The following SALL2 variants were observed in gnomAD, a reference collection of about 807,000 sequenced individuals.
The protein encoded by SALL2 is spalt like transcription factor 2, also known as sal-like protein 2.
SALL2 carries 32 observed loss-of-function variants against 58.5 expected under a neutral mutation model. That is an observed-to-expected ratio of 0.55 (90% confidence interval 0.41 to 0.74). SALL2 has a LOEUF of 0.74. SALL2 is among the 30% of genes least tolerant of loss of function. The pLI is 0.00. For synonymous variants in SALL2, 516 were observed against 513.6 expected, an observed-to-expected ratio of 1.00 and a Z score of -0.06; for missense variants, 1,201 against 1,268.9, an observed-to-expected ratio of 0.95 and a Z score of 0.81.
chr14:21,525,218 T>C lies in SALL2; in HGVS notation c.504A>G (p.Pro168=). The change falls in exon 2 of 2, where the codon CCA becomes CCG. Residue 168 remains proline, a synonymous_variant. Transcript: ENST00000537235. This position sits in a 1 kb window ranked among gnomAD's most constrained non-coding sequence, Gnocchi z 4.4. ...PPPPPPPPPP[P]GVGSGHLNIP... is the part of the protein sequence containing the mutation. ...TATTCAAGTGGCCACTGCCTACCCC[T>C]GGGGGCGGAGGGGGTGGTGGAGGAG... is the stretch of plus-strand genomic sequence containing the variant. The C allele has an allele frequency of 6.6e-7, 1 of 1,503,760 alleles. No homozygotes were observed. Among genetic ancestry groups the C allele is most frequent in the African/African-American group, 1.4e-5 (1 of 70,614 alleles). 93.2% of individuals were successfully genotyped at this position (1,503,760 alleles called of 1,614,324 possible).
chr14:21,522,165 C>T lies in SALL2; in HGVS notation c.*539G>A. 6.3e-7 allele frequency: 1 copy of T among 1,597,894 alleles called. No homozygotes were observed. The highest frequency in any genetic ancestry group is 8.5e-7 in the Non-Finnish European group (1 of 1,179,652). ...GCCAAACAGCACTGGTGGGGCCAGG[C>T]TTGGAGTGGTAGTGGAGGTGGAGCT... is the stretch of plus-strand genomic sequence containing the variant. On this transcript the variant is annotated 3_prime_UTR_variant, in exon 2 of 2. Transcript: ENST00000537235.
rs1291868843 is a variant in SALL2 at position 21,522,059 on chromosome 14, C to T, written c.*645G>A. The T allele has an allele frequency of 6.3e-7, 1 of 1,597,228 alleles. No individual in the cohort carries two copies. Among genetic ancestry groups the T allele is most frequent in the South Asian group, 1.1e-5 (1 of 90,688 alleles). ...CAGGCACTGCCTTGGGTGCAGGAGG[C>T]TGAAATAGGAGGGGGGCTGTCTTCT... On this transcript the variant is annotated 3_prime_UTR_variant, in exon 2 of 2. Transcript: ENST00000537235.
rs771860783 is a variant in SALL2, at chr14:21,536,223, G to GT, written c.-114+738dup. ...TCTTGCACTTCTTTTGTTTTGTTTTGTTTTTTGCTTTGCTTTCCTTGAAGC... is the reference window on the plus strand; with the variant it reads ...TCTTGCACTTCTTTTGTTTTGTTTTGTTTTTTTGCTTTGCTTTCCTTGAAGC... On this transcript the variant is annotated intron_variant, in intron 1 of 1. Coordinates refer to the SALL2 transcript ENST00000541965. Among the ~76,000 whole-genome samples, 9 of 152,062 alleles carry GT rather than the reference G, an allele frequency of 5.9e-5. No homozygotes were observed. The East Asian group carries it at 9.6e-4, about 16-fold the overall frequency.
Position 21,525,302 on chromosome 14 carries a change from C to G in SALL2, c.420G>C (p.Leu140Phe), listed in dbSNP as rs1892245412. ...TAAGGGGGLILASPKLGATPL... is the reference protein window; with the variant it reads ...TAAGGGGGLIFASPKLGATPL... ...GGGTTGCTCCCAGCTTGGGACTGGC[C>G]AAGATCAGGCCCCCGCCTCCCCCAG... The change falls in exon 2 of 2, where the codon TTG becomes TTC. Residue 140 changes from leucine to phenylalanine, a missense_variant. This residue lies in a region of SALL2 where 467 missense variants were observed against 468.9 expected (regional missense o/e 1.00). Transcript: ENST00000537235. This position sits in a 1 kb window ranked among gnomAD's most constrained non-coding sequence, Gnocchi z 4.4. The G allele has an allele frequency of 1.9e-6, 3 of 1,612,618 alleles. No individual in the cohort carries two copies. Among genetic ancestry groups the G allele is most frequent in the African/African-American group, 2.7e-5 (2 of 74,874 alleles).
At position 21,522,817 on chromosome 14, in the gene SALL2, G is replaced by A; in HGVS notation, c.2905C>T (p.Pro969Ser). 1 of 1,608,532 alleles carries A rather than the reference G, an allele frequency of 6.2e-7. No individual in the cohort carries two copies. The highest frequency in any genetic ancestry group is 1.1e-5 in the South Asian group (1 of 90,032). Residue 969 changes from proline (P) to serine (S), a missense_variant, in exon 2 of 2, where the codon CCC (proline) becomes TCC (serine). Physicochemically the swap from Pro to Ser is moderately conservative, Grantham distance 74. This residue lies in a region of SALL2 where 675 missense variants were observed against 683.8 expected (regional missense o/e 0.99). Coordinates refer to ENST00000537235, the MANE Select transcript of SALL2 (RefSeq NM_001364564.1). The stretch of plus-strand genomic sequence containing the variant: ...GCAGCAATATTCTGAGGGCCATGGG[G>A]GGCAAAGGGCTGTACCTGGTGGTGT... Reference protein sequence around the residue: ...LAHHQVQPFAPHGPQNIAALS... With the variant: ...LAHHQVQPFASHGPQNIAALS...
In SALL2 at chr14:21,524,435, C is replaced by G; in HGVS notation, c.1287G>C (p.Gln429His). Residue 429 changes from glutamine to histidine, a missense_variant, in exon 2 of 2, where the codon CAG becomes CAC. Gln to His is a conservative substitution (Grantham distance 24). Coordinates refer to ENST00000537235, the MANE Select transcript of SALL2 (RefSeq NM_001364564.1). ...GCTCTGGTACTGGGTGTGGGTTCAT[C>G]TGCACATGTGGGTACTTCTCACGAT... ...HRHREKYPHV[Q>H]MNPHPVPEHL... is the part of the protein sequence containing the mutation. The G allele has an allele frequency of 6.2e-7, 1 of 1,614,250 alleles. No individual in the cohort carries two copies. The highest frequency in any genetic ancestry group is 8.5e-7 in the Non-Finnish European group (1 of 1,180,052).
chr14:21,526,023 G>GCCCCCCCCCCCGCCCCCCCCCCCCCC, intron 1 of SALL2, 38 bp downstream of exon 1: 1 of 898,724 alleles, frequency 1.1e-6, no homozygotes, highest in Non-Finnish European at 1.7e-6. Context: ...ATCCCCCTCC[G>GCCCCCCCCCCCGCCCCCCCCCCCCCC]CCCCCACCCC....
chr14:21,527,864 A>AG (rs1892363329), upstream of SALL2, among the ~76,000 whole-genome samples: 1 of 151,908 alleles, frequency 6.6e-6, no homozygotes, highest in African/African-American at 2.4e-5. Flanking sequence ...TTAAAAAAAA[A>AG]AAAAAGCCGG....
upstream of SALL2, among the ~76,000 whole-genome samples, chr14:21,527,515 A>G (rs1892353443): frequency 6.6e-6 from 1 of 152,124 alleles, no homozygotes; most frequent in Non-Finnish European, 1.5e-5. Flanking sequence ...GTAAACCTAA[A>G]TTGTTTTAAT....
intron 1 of SALL2, among the ~76,000 whole-genome samples, chr14:21,535,975 GC>G (rs1892586740): frequency 1.3e-5 from 2 of 152,130 alleles, no homozygotes; most frequent in Admixed American, 6.5e-5. Context: ...CTACCAGCCA[GC>G]CCTGAGCATT....
intron 1 of SALL2, among the ~76,000 whole-genome samples, chr14:21,536,409 G>GGGGAGAAAAAAAGTTTT (rs1892597232): frequency 2.0e-5 from 3 of 152,110 alleles, no homozygotes; most frequent in Admixed American, 2.0e-4. Flanking sequence ...CTTTTTTCTC[G>GGGGAGAAAAAAAGTTTT]TCTCCCTCAG....
At position 21,523,240 on chromosome 14, in the gene SALL2, T is replaced by G. The variant is rs1892121251; in HGVS notation, c.2482A>C (p.Lys828Gln). Reference protein sequence around the residue: ...TAGKEMDSNEKTTQQSSLPPP... With the variant: ...TAGKEMDSNEQTTQQSSLPPP... ...GGCAAAGAAGACTGTTGAGTAGTTT[T>G]CTCATTACTGTCCATCTCCTTCCCA... Residue 828 changes from lysine (K) to glutamine (Q), a missense_variant, in exon 2 of 2, where the codon AAA (lysine) becomes CAA (glutamine). This residue lies in a region of SALL2 where 675 missense variants were observed against 683.8 expected (regional missense o/e 0.99). Transcript: ENST00000537235. This position sits in a 1 kb window ranked among gnomAD's most constrained non-coding sequence, Gnocchi z 4.4. 6.2e-7 allele frequency: 1 copy of G among 1,613,932 alleles called. No homozygotes were observed. Among genetic ancestry groups the G allele is most frequent in the East Asian group, 2.2e-5 (1 of 44,864 alleles).
intron 1 of SALL2, among the ~76,000 whole-genome samples, chr14:21,533,033 A>G (rs891804247): frequency 6.6e-6 from 1 of 152,036 alleles, no homozygotes; most frequent in Non-Finnish European, 1.5e-5. Context: ...AAAAGAGGAA[A>G]TGCAAAAAGG....
At position 21,524,636 on chromosome 14, in the gene SALL2, A is replaced by G; in HGVS notation, c.1086T>C (p.Gly362=). 6.2e-7 allele frequency: 1 copy of G among 1,614,084 alleles called. No homozygotes were observed. The highest frequency in any genetic ancestry group is 1.1e-5 in the South Asian group (1 of 91,084). ...GCCTTCCACCAGGCTTCTCCAAGGG[A>G]CCCATCACTTCTCCGTAGCTCAGCT... The part of the protein sequence containing the change: ...SGELSYGEVM[G]PLEKPGGRHK... The change falls in exon 2 of 2, where the codon GGT becomes GGC. Residue 362 remains glycine (G), a synonymous_variant. Transcript: ENST00000537235.
intron 1 of SALL2, among the ~76,000 whole-genome samples, chr14:21,536,303 G>A (rs149867199): frequency 1.8e-4 from 28 of 152,174 alleles, no homozygotes; most frequent in African/African-American, 6.0e-4. Context: ...CAGGTGACAC[G>A]CATACACACC....
chr14:21,525,765 C>A lies in SALL2; in HGVS notation c.68-111G>T. 8.0e-7 allele frequency: 1 copy of A among 1,244,176 alleles called. No individual in the cohort carries two copies. The highest frequency in any genetic ancestry group is 1.5e-5 in the South Asian group (1 of 64,590). 77.1% of individuals were successfully genotyped at this position (1,244,176 alleles called of 1,614,324 possible). A position where few individuals can be genotyped will look rare whatever the true frequency, so the allele number is the denominator to read the frequency against. On this transcript the variant is annotated intron_variant, in intron 1 of 1. Coordinates refer to ENST00000537235, the MANE Select transcript of SALL2 (RefSeq NM_001364564.1). The surrounding 1 kb of genome is among the most constrained non-coding windows in gnomAD (Gnocchi z 4.4). ...CGCTAGTTGGGGGTGGGGAGATGAG[C>A]TCACCATCAGGGCCATGCAGAAGTC... is the stretch of plus-strand genomic sequence containing the variant.
chr14:21,523,789 G>A lies in SALL2; in HGVS notation c.1933C>T (p.Arg645Cys), dbSNP rs746092722. The A allele has an allele frequency of 1.8e-5, 29 of 1,614,096 alleles. 1 individual carries two copies. Among genetic ancestry groups the A allele is most frequent in the Admixed American group, 5.0e-5 (3 of 60,004 alleles). The change falls in exon 2 of 2, where the codon CGC (arginine) becomes TGC (cysteine). Residue 645 changes from arginine (R) to cysteine (C), a missense_variant. Arg to Cys is a radical substitution (Grantham distance 180, BLOSUM62 -3). Coordinates refer to ENST00000537235, the MANE Select transcript of SALL2 (RefSeq NM_001364564.1). This position sits in a 1 kb window ranked among gnomAD's most constrained non-coding sequence, Gnocchi z 4.4. ...CCTCCATGTTGGCCATAATGAAGGC[G>A]TAGGGCCCGAGGACAGCTAAGCACT... Reference protein sequence around the residue: ...LRVLSCPRALRLHYGQHGGER... With the variant: ...LRVLSCPRALCLHYGQHGGER...
Position 21,522,224 on chromosome 14 carries a change from C to G in SALL2, c.*480G>C. 6.3e-7 allele frequency: 1 copy of G among 1,595,674 alleles called. No individual in the cohort carries two copies. Among genetic ancestry groups the G allele is most frequent in the Non-Finnish European group, 8.5e-7 (1 of 1,178,754 alleles). On this transcript the variant is annotated 3_prime_UTR_variant, in exon 2 of 2. Transcript: ENST00000537235. ...AGGGCTTCATGGGCAGGCCATTTGA[C>G]AGGAATGCCACATACTGGTTCTAGA...
Position 21,521,915 on chromosome 14 carries a change from C to G in SALL2, c.*789G>C. On this transcript the variant is annotated 3_prime_UTR_variant, in exon 2 of 2. Transcript: ENST00000537235. ...TTTCCTATGCCCTTCCTTCATTTCT[C>G]CCTACTTCCTAGGGTTGGGTCACCA... 5 of 1,424,502 alleles carry G rather than the reference C, an allele frequency of 3.5e-6. No homozygotes were observed. The South Asian group carries it at 7.1e-5, about 20-fold the overall frequency. 88.2% of individuals were successfully genotyped at this position (1,424,502 alleles called of 1,614,324 possible).
Sources: gnomAD v4.1 joint callset for allele counts (sites outside exome capture counted in the v4.1 genomes callset) on GRCh38, gnomAD v4.1.1 for gene constraint, gnomAD v4.1.1 regional missense constraint, Gnocchi (gnomAD v3.1) non-coding constraint, MANE v1.5 for transcripts, NCBI Gene and HGNC (gene_info 2026-07-23, HGNC 2026-07-21) for gene names.